The following ZMYM4 variants were observed in gnomAD, a reference collection of about 807,000 sequenced individuals.
ZMYM4 encodes the protein zinc finger MYM-type protein 4.
Under a neutral mutation model 183.2 loss-of-function variants are expected in ZMYM4, and 31 were observed. The observed-to-expected ratio is 0.17, with a 90% CI of 0.13 to 0.23. The LOEUF (loss-of-function observed/expected upper bound fraction) is 0.23. Ranked by LOEUF, ZMYM4 falls within the 10% of genes least tolerant of loss-of-function variation. ZMYM4 has a pLI of 1.00. For synonymous variants in ZMYM4, 592 were observed against 631.2 expected, an observed-to-expected ratio of 0.94 and a Z score of 0.93; for missense variants, 1,273 against 1,840.3, an observed-to-expected ratio of 0.69 and a Z score of 5.64.
chr1:35,269,667 A>G (rs1054258029), intron 1 of ZMYM4, among the ~76,000 whole-genome samples: 5 of 152,162 alleles, frequency 3.3e-5, no homozygotes, highest in South Asian at 2.1e-4. Context: ...TATGAATGTC[A>G]TGTTCTAGCC....
chr1:35,421,072 A>G lies in ZMYM4; in HGVS notation c.*1395A>G, dbSNP rs951533454. 2 of 152,472 alleles carry G rather than the reference A, an allele frequency of 1.3e-5. No homozygotes were observed. Among genetic ancestry groups the G allele is most frequent in the Non-Finnish European group, 2.9e-5 (2 of 68,038 alleles). 9.4% of individuals were successfully genotyped at this position (152,472 alleles called of 1,614,324 possible). On this transcript the variant is annotated 3_prime_UTR_variant, in exon 30 of 30. Transcript: ENST00000314607. ...CTTCAGCTAAGGTTAATTTGACGCT[A>G]TGATAAAACTGAGAGATGTCAAAAA...
intron 22 of ZMYM4, 43 bp downstream of exon 22, chr1:35,399,086 A>G: frequency 6.3e-7 from 1 of 1,588,486 alleles, no homozygotes; most frequent in Non-Finnish European, 8.6e-7. Context: ...TTTTATTTTA[A>G]AAGATCGGTA....
intron 2 of ZMYM4, among the ~76,000 whole-genome samples, chr1:35,335,509 G>C (rs1642935178): frequency 1.3e-5 from 2 of 152,122 alleles, no homozygotes; most frequent in African/African-American, 4.8e-5. Flanking sequence ...CAAATGCTGG[G>C]ATCACGGGTG....
chr1:35,359,330 A>C lies in ZMYM4; in HGVS notation c.491A>C (p.Glu164Ala), dbSNP rs1643889892. 1 of 1,611,314 alleles carries C rather than the reference A, an allele frequency of 6.2e-7. No homozygotes were observed. The change falls in exon 3 of 30, where the codon GAG (glutamate) becomes GCG (alanine). Residue 164 changes from glutamate to alanine, a missense_variant. Coordinates refer to ENST00000314607, the MANE Select transcript of ZMYM4 (RefSeq NM_005095.3). ...AGTCTAGTAAGAGAAAACAGCAAAG[A>C]GACATTTTCTGGAAAGGAGAAAAAT... ...DFSLVRENSK[E>A]TFSGKEKNRD... is the part of the protein sequence containing the mutation.
intron 1 of ZMYM4, among the ~76,000 whole-genome samples, chr1:35,273,780 A>T (rs530967218): frequency 2.6e-5 from 4 of 152,296 alleles, no homozygotes; most frequent in Non-Finnish European, 5.9e-5. Context: ...TTGGGATATT[A>T]CCACTGATTA....
chr1:35,304,283 C>T (rs890797312), intron 1 of ZMYM4, among the ~76,000 whole-genome samples: 1 of 152,088 alleles, frequency 6.6e-6, no homozygotes, highest in African/African-American at 2.4e-5. Flanking sequence ...CTTGGTCTCC[C>T]AAAGTGCTGG....
At chr1:35,332,577 C>T (rs1283066995) in intron 2 of ZMYM4, among the ~76,000 whole-genome samples, 24 of 152,052 alleles carry the variant, frequency 1.6e-4, no homozygotes, top group South Asian at 4.1e-4. Flanking sequence ...AGCACCTGTA[C>T]GTAGTCTGTT....
At chr1:35,313,555 A>T (rs552979180) in intron 1 of ZMYM4, among the ~76,000 whole-genome samples, 16 of 151,424 alleles carry the variant, frequency 1.1e-4, no homozygotes, top group African/African-American at 3.9e-4. Flanking sequence ...CACCCGGCTA[A>T]TTTTTTGTAT....
chr1:35,359,018 C>T lies in ZMYM4; in HGVS notation c.179C>T (p.Thr60Ile). The part of the protein sequence containing the change: ...DSMSYGMPNQ[T>I]GSENSLLDED... Reference sequence around the variant, plus strand: ...ATGTCTTATGGAATGCCGAATCAAACAGGATCTGAAAATTCATTGCTGGAT... The same window carrying T: ...ATGTCTTATGGAATGCCGAATCAAATAGGATCTGAAAATTCATTGCTGGAT... Residue 60 changes from threonine (T) to isoleucine (I), a missense_variant, in exon 3 of 30, where the codon ACA becomes ATA. This residue lies in a region of ZMYM4 where 384 missense variants were observed against 465.6 expected (regional missense o/e 0.82). Coordinates refer to ENST00000314607, the MANE Select transcript of ZMYM4 (RefSeq NM_005095.3). 5.0e-6 allele frequency: 8 copies of T among 1,613,772 alleles called. No homozygotes were observed. Among genetic ancestry groups the T allele is most frequent in the Non-Finnish European group, 6.8e-6 (8 of 1,179,742 alleles).
At chr1:35,351,323 G>A (rs1643597581) in intron 2 of ZMYM4, 11 of 1,572,174 alleles carry the variant, frequency 7.0e-6, no homozygotes, top group African/African-American at 1.3e-5. Flanking sequence ...TCATGGGCCA[G>A]AAAGTTGCAG....
rs1284660825 is a variant in ZMYM4, at chr1:35,373,087, A to G, written c.1181+2460A>G. Among the ~76,000 whole-genome samples, 3 of 152,234 alleles carry G rather than the reference A, an allele frequency of 2.0e-5. No individual in the cohort carries two copies. The East Asian group carries it at 5.8e-4, about 30-fold the overall frequency. ...GGCACAAGAAACACTTGACCCTGGGAGGTAGAGGTTGCAGTGAGCCAAGAT... is the reference window on the plus strand; with the variant it reads ...GGCACAAGAAACACTTGACCCTGGGGGGTAGAGGTTGCAGTGAGCCAAGAT... On this transcript the variant is annotated intron_variant, in intron 7 of 29. Coordinates refer to ENST00000314607, the MANE Select transcript of ZMYM4 (RefSeq NM_005095.3).
chr1:35,351,681 A>G, intron 2 of ZMYM4: 1 of 501,506 alleles, frequency 2.0e-6, no homozygotes, highest in South Asian at 3.1e-5. Context: ...ACAACAAAAA[A>G]CAGAAATCAA....
chr1:35,332,692 ATAT>A (rs1039426929), intron 2 of ZMYM4, among the ~76,000 whole-genome samples: 3 of 151,742 alleles, frequency 2.0e-5, no homozygotes, highest in Admixed American at 1.3e-4. Context: ...GGCATAAGTT[ATAT>A]TATTATTATT....
chr1:35,312,684 C>CT (rs1228801806), intron 1 of ZMYM4, among the ~76,000 whole-genome samples: 1 of 148,494 alleles, frequency 6.7e-6, no homozygotes, highest in Admixed American at 6.8e-5. Flanking sequence ...TCCCTTCTTT[C>CT]TTTTCTTTCT....
intron 1 of ZMYM4, among the ~76,000 whole-genome samples, chr1:35,308,579 G>A (rs1023300048): frequency 7.2e-5 from 11 of 152,182 alleles, no homozygotes; most frequent in African/African-American, 2.7e-4. Flanking sequence ...TGGATGATAA[G>A]ACGGGTGTGG....
In ZMYM4 at chr1:35,405,107, C is replaced by T; in HGVS notation, c.3613C>T (p.Leu1205=). The T allele has an allele frequency of 1.2e-6, 2 of 1,614,022 alleles. No homozygotes were observed. The highest frequency in any genetic ancestry group is 1.1e-5 in the South Asian group (1 of 91,072). ...AGGCTGCTCAGTGTCCGGGATGACACTGAAATACATGTATGGGGTAAATGC... is the reference window on the plus strand; with the variant it reads ...AGGCTGCTCAGTGTCCGGGATGACATTGAAATACATGTATGGGGTAAATGC... ...FQGCSVSGMT[L]KYMYGVNAWK... The change falls in exon 24 of 30, where the codon CTG becomes TTG. Residue 1205 remains leucine (L), a synonymous_variant. Coordinates refer to ENST00000314607, the MANE Select transcript of ZMYM4 (RefSeq NM_005095.3).
intron 18 of ZMYM4, among the ~76,000 whole-genome samples, chr1:35,394,868 GT>G (rs1358201275): frequency 6.6e-6 from 1 of 150,468 alleles, no homozygotes; most frequent in South Asian, 2.1e-4. Flanking sequence ...AATCCCAGCA[GT>G]TTGGGAGGCT....
chr1:35,285,841 A>G (rs1640456249), intron 1 of ZMYM4, among the ~76,000 whole-genome samples: 1 of 152,178 alleles, frequency 6.6e-6, no homozygotes, highest in Non-Finnish European at 1.5e-5. Flanking sequence ...AAAAGCTAAC[A>G]TCCTTTCCTT....
At position 35,329,336 on chromosome 1, in the gene ZMYM4, A is replaced by G. The variant is rs1475563668; in HGVS notation, c.85+3931A>G. Among the ~76,000 whole-genome samples, 4 of 152,222 alleles carry G rather than the reference A, an allele frequency of 2.6e-5. No homozygotes were observed. The East Asian group carries it at 7.7e-4, about 29-fold the overall frequency. On this transcript the variant is annotated intron_variant, in intron 2 of 29. Transcript: ENST00000314607. ...GATACATGGTGTGTTAGAGGAAATG[A>G]CTGATTCTGTAGATGATCTTAATTC...
Sources: allele counts gnomAD v4.1 joint callset (sites outside exome capture counted in the v4.1 genomes callset), GRCh38; gene constraint gnomAD v4.1.1; regional missense constraint gnomAD v4.1.1; transcripts MANE v1.5; gene names NCBI Gene and HGNC (gene_info 2026-07-23, HGNC 2026-07-21).